TTLL7: variants seen among roughly 807,000 people sequenced by gnomAD.
TTLL7 encodes tubulin tyrosine ligase like 7.
Under a neutral mutation model 120.2 loss-of-function variants are expected in TTLL7, and 53 were observed. The observed-to-expected ratio is 0.44, with a 90% CI of 0.35 to 0.55. The LOEUF is 0.55. TTLL7 is among the 20% of genes least tolerant of loss of function. TTLL7 has a pLI of 0.00. For synonymous variants in TTLL7, 353 were observed against 351.7 expected (o/e 1.00, Z -0.04); for missense variants, 803 against 1,054.7 (o/e 0.76, Z 3.31).
intron 18 of TTLL7, among the ~76,000 whole-genome samples, chr1:83,896,264 T>G (rs1656213693): frequency 6.6e-6 from 1 of 152,020 alleles, no homozygotes; most frequent in Admixed American, 6.6e-5. Flanking sequence ...AGCATCCCAA[T>G]CCAACATTAA....
In TTLL7 at chr1:83,952,294, A is replaced by G; in HGVS notation, c.-83T>C. On this transcript the variant is annotated 5_prime_UTR_variant, in exon 2 of 21. Coordinates refer to ENST00000260505, the MANE Select transcript of TTLL7 (RefSeq NM_024686.6). ...CTGGAAATTCCACATTAGTCTAAGT[A>G]GGATATGGCCCCAAATCACTGAAAG... The G allele has an allele frequency of 6.9e-6, 10 of 1,443,076 alleles. No homozygotes were observed. The highest frequency in any genetic ancestry group is 1.2e-5 in the South Asian group (1 of 80,982). The allele number at this position is 1,443,076 out of a possible 1,614,324, so 89.4% of individuals were successfully genotyped here.
At chr1:83,989,819 T>C (rs1270010988) in intron 1 of TTLL7, among the ~76,000 whole-genome samples, 21 of 152,212 alleles carry the variant, frequency 1.4e-4, no homozygotes, top group Admixed American at 1.4e-3. Context: ...TGGAATGTTT[T>C]TTTCGTACTC....
At chr1:83,933,797 G>A (rs756041588) in intron 8 of TTLL7, 31 bp from the exon 9 acceptor site, 1 of 1,586,572 alleles carries the variant, frequency 6.3e-7, no homozygotes, top group Non-Finnish European at 8.6e-7. Flanking sequence ...AAGTGAAAAT[G>A]CCTTTGTATC....
At chr1:83,914,610 G>A (rs879580660) in intron 14 of TTLL7, among the ~76,000 whole-genome samples, 4 of 152,060 alleles carry the variant, frequency 2.6e-5, no homozygotes, top group Non-Finnish European at 4.4e-5. Context: ...GATTAGAGGC[G>A]TGAGCCACCG....
chr1:83,993,328 T>C (rs760346533), intron 1 of TTLL7, among the ~76,000 whole-genome samples: 11 of 152,206 alleles, frequency 7.2e-5, no homozygotes, highest in Non-Finnish European at 1.2e-4. Context: ...CTCAATTTAC[T>C]TTAAAAAGTC....
In TTLL7 at chr1:83,934,824, G is replaced by A. The variant is rs116483067; in HGVS notation, c.889-1058C>T. Among the ~76,000 whole-genome samples, 763 of 152,186 alleles carry A rather than the reference G, an allele frequency of 5.0e-3. 13 individuals carry two copies. Among genetic ancestry groups the A allele is most frequent in the African/African-American group, 0.018 (728 of 41,536 alleles). ...CTCAGTCATGTTGCTTAAACTTTGT[G>A]TGTCTCATTTTTCCTAAATATAATC... On this transcript the variant is annotated intron_variant, in intron 8 of 20. Coordinates refer to ENST00000260505, the MANE Select transcript of TTLL7 (RefSeq NM_024686.6).
intron 10 of TTLL7, among the ~76,000 whole-genome samples, chr1:83,925,859 C>T (rs1431943411): frequency 1.3e-5 from 2 of 152,092 alleles, no homozygotes; most frequent in African/African-American, 4.8e-5. Flanking sequence ...CAGTGGCTTA[C>T]ACCTGTAATC....
chr1:83,987,594 GAATTAGTAA>G (rs1326303119), intron 1 of TTLL7, among the ~76,000 whole-genome samples: 1 of 151,962 alleles, frequency 6.6e-6, no homozygotes, highest in African/African-American at 2.4e-5. Flanking sequence ...AGGAGGAAAG[GAATTAGTAA>G]ACAGCAATTT....
chr1:83,917,533 C>T (rs1377517469), intron 14 of TTLL7, 71 bp downstream of exon 14: 1 of 1,144,730 alleles, frequency 8.7e-7, no homozygotes, highest in African/African-American at 1.5e-5. Context: ...ACCAGTCTTT[C>T]TTATAGTGAG....
In TTLL7 at chr1:83,919,781, A is replaced by C; in HGVS notation, c.1418T>G (p.Leu473Ter). The change falls in exon 13 of 21, where the codon TTA (leucine) becomes TGA (stop). Residue 473 changes from leucine (L) to a stop codon, truncating the protein, a stop_gained. Transcript: ENST00000260505. LOFTEE classifies it high-confidence loss of function. ...AAGGAAGGTCTGAAAGGCAACAGCTAACAAATTTTCATACTTTTCAAGTAA... is the reference window on the plus strand; with the variant it reads ...AAGGAAGGTCTGAAAGGCAACAGCTCACAAATTTTCATACTTTTCAAGTAA... ...KALLEKYENL[L>*]AVAFQTFLSG... The C allele has an allele frequency of 6.2e-7, 1 of 1,613,076 alleles. No individual in the cohort carries two copies. Among genetic ancestry groups the C allele is most frequent in the Non-Finnish European group, 8.5e-7 (1 of 1,179,440 alleles).
chr1:83,890,174 T>C (rs1285144441), intron 19 of TTLL7, 147 bp downstream of exon 19: 2 of 764,390 alleles, frequency 2.6e-6, no homozygotes, highest in Admixed American at 2.9e-5. Context: ...GCTTAATTGA[T>C]ATAAATTATA....
chr1:83,884,365 C>T (rs1208114640), intron 19 of TTLL7, among the ~76,000 whole-genome samples: 1 of 151,708 alleles, frequency 6.6e-6, no homozygotes, highest in Non-Finnish European at 1.5e-5. Context: ...CACAAAGACT[C>T]CACTTTCAAC....
rs750911574 is a variant in TTLL7 at position 83,999,115 on chromosome 1, A to G, written c.-361T>C. 1 of 437,966 alleles carries G rather than the reference A, an allele frequency of 2.3e-6. No homozygotes were observed. The highest frequency in any genetic ancestry group is 1.6e-5 in the South Asian group (1 of 61,890). The allele number at this position is 437,966 out of a possible 1,614,324, so 27.1% of individuals were successfully genotyped here. ...CCACGGCTCGGGACTCCGGTGCTCGACGCGGAGTGCCTGGAACAGCTGTCG... is the reference window on the plus strand; with the variant it reads ...CCACGGCTCGGGACTCCGGTGCTCGGCGCGGAGTGCCTGGAACAGCTGTCG... On this transcript the variant is annotated 5_prime_UTR_variant, in exon 1 of 21. Coordinates refer to ENST00000260505, the MANE Select transcript of TTLL7 (RefSeq NM_024686.6).
At chr1:83,969,622 G>A (rs1650793283) in intron 1 of TTLL7, among the ~76,000 whole-genome samples, 1 of 151,922 alleles carries the variant, frequency 6.6e-6, no homozygotes, top group Non-Finnish European at 1.5e-5. Context: ...CTTTTGATTT[G>A]TTAATTCCAC....
chr1:83,985,309 A>G (rs1652341285), intron 1 of TTLL7, among the ~76,000 whole-genome samples: 1 of 152,228 alleles, frequency 6.6e-6, no homozygotes, highest in Non-Finnish European at 1.5e-5. Flanking sequence ...GGGCAGGAGA[A>G]GCAGAAGGAA....
chr1:83,997,558 T>G (rs943893828), intron 1 of TTLL7, among the ~76,000 whole-genome samples: 1 of 152,210 alleles, frequency 6.6e-6, no homozygotes, highest in Non-Finnish European at 1.5e-5. Flanking sequence ...TTCCATGGCT[T>G]ACTGAGTGGT....
chr1:83,982,515 G>A (rs1652060045), intron 1 of TTLL7, among the ~76,000 whole-genome samples: 1 of 152,112 alleles, frequency 6.6e-6, no homozygotes, highest in Non-Finnish European at 1.5e-5. Context: ...TATTGTTCTA[G>A]CTGATAGCTA....
chr1:83,948,555 G>A, intron 5 of TTLL7, 73 bp downstream of exon 5: 2 of 990,064 alleles, frequency 2.0e-6, no homozygotes, highest in East Asian at 2.5e-5. Flanking sequence ...GTAACCTTGT[G>A]AAAGATAGCA....
intron 9 of TTLL7, among the ~76,000 whole-genome samples, chr1:83,931,006 T>G (rs1283981545): frequency 6.6e-6 from 1 of 151,358 alleles, no homozygotes; most frequent in Admixed American, 6.6e-5. Flanking sequence ...GTTCTTGTTT[T>G]TTTTTTTTTA....
Sources: gnomAD v4.1 joint callset for allele counts (sites outside exome capture counted in the v4.1 genomes callset) on GRCh38, gnomAD v4.1.1 for gene constraint, MANE v1.5 for transcripts, NCBI Gene and HGNC (gene_info 2026-07-23, HGNC 2026-07-21) for gene names.